Variants in LRRC52 observed in about 807,000 individuals in gnomAD.
LRRC52 encodes the protein leucine-rich repeat-containing protein 52.
Under a neutral mutation model 14.7 loss-of-function variants are expected in LRRC52, and 15 were observed. The ratio of observed to expected loss-of-function variants is 1.02; its 90% CI spans 0.68 to 1.58. The LOEUF is 1.58. Ranked by LOEUF, LRRC52 falls within the 40% of genes most tolerant of loss-of-function variation. LRRC52 has a pLI of 0.00. For missense variants in LRRC52, 400 were observed against 387.7 expected, an observed-to-expected ratio of 1.03 and a Z score of -0.27; for synonymous variants, 180 against 163.9, an observed-to-expected ratio of 1.10 and a Z score of -0.75.
Position 165,545,051 on chromosome 1 carries a change from G to A in LRRC52, c.622+133G>A, listed in dbSNP as rs1660991884. The A allele has an allele frequency of 6.9e-6, 8 of 1,157,976 alleles. No individual in the cohort carries two copies. In the South Asian group the frequency reaches 1.2e-4, roughly 17 times the overall value. 71.7% of individuals were successfully genotyped at this position (1,157,976 alleles called of 1,614,324 possible). On this transcript the variant is annotated intron_variant, in intron 1 of 1. Transcript: ENST00000294818. ...GAATGCATTCTTATTACTCTGCAGG[G>A]CCCACCCTTGGGTTGACTGGAGTAG...
intron 1 of LRRC52, among the ~76,000 whole-genome samples, chr1:165,549,717 T>C (rs1187049758): frequency 2.0e-5 from 3 of 152,238 alleles, no homozygotes; most frequent in Non-Finnish European, 1.5e-5. Flanking sequence ...CATACGCTTC[T>C]TCAAAAAATG....
chr1:165,550,361 T>C (rs923549254), intron 1 of LRRC52, among the ~76,000 whole-genome samples: 8 of 152,226 alleles, frequency 5.3e-5, no homozygotes, highest in East Asian at 1.9e-4. Flanking sequence ...GTAAATAGTC[T>C]ATATATATGG....
At chr1:165,555,555 G>C (rs1661216423) in intron 1 of LRRC52, among the ~76,000 whole-genome samples, 1 of 152,198 alleles carries the variant, frequency 6.6e-6, no homozygotes, top group Non-Finnish European at 1.5e-5. Flanking sequence ...TGTAATTACA[G>C]ATTGCTCCCA....
At chr1:165,550,200 A>C (rs1661102953) in intron 1 of LRRC52, among the ~76,000 whole-genome samples, 1 of 152,234 alleles carries the variant, frequency 6.6e-6, no homozygotes. Flanking sequence ...GATTTCCCTC[A>C]GGGGACAGGG....
chr1:165,553,182 T>C (rs1026863832), intron 1 of LRRC52, among the ~76,000 whole-genome samples: 4 of 152,068 alleles, frequency 2.6e-5, no homozygotes, highest in Admixed American at 1.3e-4. Flanking sequence ...TACAGAAGCT[T>C]TGGGGAATGC....
intron 1 of LRRC52, among the ~76,000 whole-genome samples, chr1:165,558,174 G>T (rs1450883741): frequency 6.6e-6 from 1 of 152,218 alleles, no homozygotes; most frequent in Admixed American, 6.5e-5. Flanking sequence ...CTGCCTTTGA[G>T]CAATATGTTG....
At chr1:165,545,609 T>C (rs973550271) in intron 1 of LRRC52, among the ~76,000 whole-genome samples, 1 of 10,304 alleles carries the variant, frequency 9.7e-5, no homozygotes, top group African/African-American at 1.2e-4. Context: ...GAGATTCTAG[T>C]CTTACAGGTA....
intron 1 of LRRC52, among the ~76,000 whole-genome samples, chr1:165,561,400 G>C (rs1001558966): frequency 3.9e-5 from 6 of 152,134 alleles, no homozygotes. Context: ...CCCACAGTTT[G>C]GGCAGGTGAC....
chr1:165,550,155 G>A (rs1443184849), intron 1 of LRRC52, among the ~76,000 whole-genome samples: 1 of 152,182 alleles, frequency 6.6e-6, no homozygotes, highest in African/African-American at 2.4e-5. Flanking sequence ...CTACTTGAAG[G>A]TGAGAGTGGT....
intron 1 of LRRC52, among the ~76,000 whole-genome samples, chr1:165,558,446 T>C (rs545997575): frequency 6.6e-6 from 1 of 152,352 alleles, no homozygotes; most frequent in African/African-American, 2.4e-5. Flanking sequence ...GAAGAACTGA[T>C]GTATAGTTTA....
intron 1 of LRRC52, among the ~76,000 whole-genome samples, chr1:165,557,248 T>C (rs1294013408): frequency 6.6e-6 from 1 of 152,212 alleles, no homozygotes; most frequent in Non-Finnish European, 1.5e-5. Context: ...AGTTCAAGGC[T>C]TATACCTCCA....
Position 165,544,485 on chromosome 1 carries a change from C to T in LRRC52, c.189C>T (p.Asn63=), listed in dbSNP as rs977665553. The change falls in exon 1 of 2, where the codon AAC becomes AAT. Residue 63 remains asparagine (N), a synonymous_variant. Coordinates refer to ENST00000294818, the MANE Select transcript of LRRC52 (RefSeq NM_001005214.4). ...CCCGGAGGCTGTTCCTGAACGAGAA[C>T]AGAATCACTAGTTTGCCAGCAATGC... ...LNTRRLFLNE[N]RITSLPAMHL... is the part of the protein sequence containing the mutation. 3.1e-6 allele frequency: 5 copies of T among 1,614,060 alleles called. No individual in the cohort carries two copies. The highest frequency in any genetic ancestry group is 2.2e-5 in the South Asian group (2 of 91,080).
intron 1 of LRRC52, among the ~76,000 whole-genome samples, chr1:165,553,411 A>G (rs1452236097): frequency 1.3e-5 from 2 of 152,254 alleles, no homozygotes; most frequent in African/African-American, 4.8e-5. Flanking sequence ...ACACCAATCC[A>G]TAATGGGCTA....
At chr1:165,547,201 G>A (rs1661040766) in intron 1 of LRRC52, among the ~76,000 whole-genome samples, 2 of 152,002 alleles carry the variant, frequency 1.3e-5, no homozygotes, top group Non-Finnish European at 2.9e-5. Context: ...AAAGTGACTT[G>A]AACCCCTTGA....
At chr1:165,551,571 C>T (rs1374010017) in intron 1 of LRRC52, among the ~76,000 whole-genome samples, 1 of 152,146 alleles carries the variant, frequency 6.6e-6, no homozygotes, top group African/African-American at 2.4e-5. Flanking sequence ...AGAGAGTCCC[C>T]TCTGTGTCAG....
At position 165,554,604 on chromosome 1, in the gene LRRC52, AT is replaced by A. The variant is rs1661198359; in HGVS notation, c.623-8896del. Among the ~76,000 whole-genome samples, 3 of 152,030 alleles carry A rather than the reference AT, an allele frequency of 2.0e-5. No homozygotes were observed. In the South Asian group the frequency reaches 6.2e-4, roughly 32 times the overall value. On this transcript the variant is annotated intron_variant, in intron 1 of 1. Transcript: ENST00000294818. ...AGTATGTGCCACCATGCTTAGACAA[AT>A]TTTTATTTTTAGTAGAGATGGATTT...
At chr1:165,561,826 A>G (rs528596039) in intron 1 of LRRC52, among the ~76,000 whole-genome samples, 1 of 152,366 alleles carries the variant, frequency 6.6e-6, no homozygotes, top group South Asian at 2.1e-4. Context: ...TTGATACAGA[A>G]GCAAGAGGCA....
chr1:165,549,890 C>T (rs1661096482), intron 1 of LRRC52, among the ~76,000 whole-genome samples: 1 of 152,234 alleles, frequency 6.6e-6, no homozygotes, highest in African/African-American at 2.4e-5. Flanking sequence ...TCAAAAGAAA[C>T]TCTCCAATGG....
At chr1:165,558,876 T>C (rs1557966961) in intron 1 of LRRC52, among the ~76,000 whole-genome samples, 1 of 151,968 alleles carries the variant, frequency 6.6e-6, no homozygotes, top group Non-Finnish European at 1.5e-5. Context: ...TATAGGAACA[T>C]AGAAAGATTA....
Sources: allele counts gnomAD v4.1 joint callset (sites outside exome capture counted in the v4.1 genomes callset), GRCh38; gene constraint gnomAD v4.1.1; transcripts MANE v1.5; gene names NCBI Gene and HGNC (gene_info 2026-07-23, HGNC 2026-07-21).